Variants in SNTB2 observed in about 807,000 individuals in gnomAD.
The protein encoded by SNTB2 is syntrophin beta 2.
SNTB2 carries 34 observed loss-of-function variants against 46.2 expected under a neutral mutation model. The observed-to-expected ratio is 0.74, with a 90% CI of 0.56 to 0.98. SNTB2 has a LOEUF of 0.98. Among genes scored for constraint, SNTB2 ranks in the 50% least tolerant of loss-of-function variants. The pLI, the probability that SNTB2 is intolerant of heterozygous loss-of-function variation, is 0.00. For synonymous variants in SNTB2, 290 were observed against 312.6 expected, an observed-to-expected ratio of 0.93 and a Z score of 0.76; for missense variants, 603 against 731.4, an observed-to-expected ratio of 0.82 and a Z score of 2.02.
chr16:69,243,040 A>T (rs995964899), intron 1 of SNTB2, among the ~76,000 whole-genome samples: 2 of 151,750 alleles, frequency 1.3e-5, no homozygotes, highest in African/African-American at 4.8e-5. Context: ...AAAAAAAAAA[A>T]AGGGATACAT....
chr16:69,245,824 T>G lies in SNTB2; in HGVS notation c.794+9T>G. On this transcript the variant is annotated intron_variant, in intron 2 of 6. Transcript: ENST00000336278. ...CCGGATCTGGAAAACAGGTGAGGTGTACCTAACAAGAACATCATACCTACA... is the reference window on the plus strand; with the variant it reads ...CCGGATCTGGAAAACAGGTGAGGTGGACCTAACAAGAACATCATACCTACA... 1 of 1,613,308 alleles carries G rather than the reference T, an allele frequency of 6.2e-7. No individual in the cohort carries two copies. Among genetic ancestry groups the G allele is most frequent in the Non-Finnish European group, 8.5e-7 (1 of 1,179,370 alleles).
In SNTB2 at chr16:69,305,500, T is replaced by C. The variant is rs1965309729; in HGVS notation, c.*4576T>C. On this transcript the variant is annotated 3_prime_UTR_variant, in exon 7 of 7. Coordinates refer to ENST00000336278, the MANE Select transcript of SNTB2 (RefSeq NM_006750.4). ...TGGTTAGAAAGCCAAAGGTCTTCTT[T>C]TTTCAATTCCTAATGAATAAGTAAA... The C allele has an allele frequency of 6.6e-6, 1 of 152,240 alleles. No homozygotes were observed. Among genetic ancestry groups the C allele is most frequent in the Admixed American group, 6.5e-5 (1 of 15,278 alleles). 9.4% of individuals were successfully genotyped at this position (152,240 alleles called of 1,614,324 possible).
Position 69,303,860 on chromosome 16 carries a change from C to G in SNTB2, c.*2936C>G, listed in dbSNP as rs1039512967. 2 of 152,464 alleles carry G rather than the reference C, an allele frequency of 1.3e-5. No homozygotes were observed. Among genetic ancestry groups the G allele is most frequent in the Non-Finnish European group, 2.9e-5 (2 of 68,016 alleles). The allele number at this position is 152,464 out of a possible 1,614,324, so 9.4% of individuals were successfully genotyped here. ...TCGATATTCTACCTTTTTTATAGAA[C>G]CAGCTCACTTTTCATTTCTTTTTCA... On this transcript the variant is annotated 3_prime_UTR_variant, in exon 7 of 7. Transcript: ENST00000336278.
chr16:69,222,235 A>AT (rs1964412322), intron 1 of SNTB2, among the ~76,000 whole-genome samples: 1 of 152,108 alleles, frequency 6.6e-6, no homozygotes, highest in Non-Finnish European at 1.5e-5. Context: ...TCAACTGTAA[A>AT]TTTTTTAATA....
At chr16:69,253,120 C>T (rs1567407655) in intron 2 of SNTB2, among the ~76,000 whole-genome samples, 2 of 150,760 alleles carry the variant, frequency 1.3e-5, no homozygotes, top group Non-Finnish European at 3.0e-5. Flanking sequence ...AGGATGGTCT[C>T]GATCTCCTGA....
intron 5 of SNTB2, among the ~76,000 whole-genome samples, chr16:69,288,156 A>G (rs1205995467): frequency 6.6e-6 from 1 of 152,160 alleles, no homozygotes. Context: ...TGCCGTTGCT[A>G]CCATCTGGGG....
chr16:69,239,823 G>A (rs1207032349), intron 1 of SNTB2, among the ~76,000 whole-genome samples: 1 of 152,108 alleles, frequency 6.6e-6, no homozygotes, highest in African/African-American at 2.4e-5. Flanking sequence ...GGGATTACAG[G>A]CATGAGCCAC....
intron 1 of SNTB2, among the ~76,000 whole-genome samples, chr16:69,240,146 TATTA>T (rs1465835713): frequency 1.3e-5 from 2 of 152,240 alleles, no homozygotes; most frequent in Non-Finnish European, 2.9e-5. Flanking sequence ...TTCATTAAAT[TATTA>T]ATTACATTAT....
At chr16:69,289,123 G>C (rs1965134854) in intron 5 of SNTB2, among the ~76,000 whole-genome samples, 1 of 152,014 alleles carries the variant, frequency 6.6e-6, no homozygotes, top group Non-Finnish European at 1.5e-5. Flanking sequence ...TACAAAATTA[G>C]CCAGGTGTGG....
At chr16:69,252,995 G>C (rs1453207972) in intron 2 of SNTB2, among the ~76,000 whole-genome samples, 2 of 151,500 alleles carry the variant, frequency 1.3e-5, no homozygotes, top group Admixed American at 6.6e-5. Context: ...CACCTCCCGG[G>C]TTCACGCCAT....
intron 3 of SNTB2, among the ~76,000 whole-genome samples, chr16:69,269,061 C>T (rs1964913123): frequency 2.6e-5 from 4 of 151,356 alleles, no homozygotes; most frequent in Admixed American, 2.0e-4. Flanking sequence ...CCCAGCTACT[C>T]GGGAGGCTGA....
chr16:69,254,677 T>C (rs187685897), intron 2 of SNTB2, among the ~76,000 whole-genome samples: 46 of 152,320 alleles, frequency 3.0e-4, no homozygotes, highest in Non-Finnish European at 5.9e-4. Flanking sequence ...AAAGGACTGG[T>C]ATCCCAAATA....
Position 69,306,628 on chromosome 16 carries a change from G to A in SNTB2, c.*5704G>A, listed in dbSNP as rs1965318484. On this transcript the variant is annotated 3_prime_UTR_variant, in exon 7 of 7. Transcript: ENST00000336278. ...ATATTTCATTGTATTGTAGGTTTGG[G>A]AATCCTGGTTAGATTTATAATTTCT... 1 of 152,194 alleles carries A rather than the reference G, an allele frequency of 6.6e-6. No individual in the cohort carries two copies. Among genetic ancestry groups the A allele is most frequent in the Non-Finnish European group, 1.5e-5 (1 of 68,036 alleles). The allele number at this position is 152,194 out of a possible 1,614,324, so 9.4% of individuals were successfully genotyped here.
intron 4 of SNTB2, among the ~76,000 whole-genome samples, chr16:69,279,976 G>T (rs1402574929): frequency 2.0e-5 from 3 of 152,206 alleles, no homozygotes; most frequent in Admixed American, 2.0e-4. Flanking sequence ...GTGAACAAAG[G>T]TCTCTGGTTT....
chr16:69,231,655 C>G (rs1161812137), intron 1 of SNTB2, among the ~76,000 whole-genome samples: 1 of 151,974 alleles, frequency 6.6e-6, no homozygotes, highest in Non-Finnish European at 1.5e-5. Flanking sequence ...TCCTAAAAAC[C>G]AAAGAAAAAT....
intron 1 of SNTB2, among the ~76,000 whole-genome samples, chr16:69,215,710 T>A (rs563177429): frequency 6.6e-6 from 1 of 152,340 alleles, no homozygotes; most frequent in South Asian, 2.1e-4. Context: ...GGAACATGTT[T>A]CTTTAGAGTC....
intron 1 of SNTB2, among the ~76,000 whole-genome samples, chr16:69,199,713 T>TGA (rs1964141710): frequency 6.6e-6 from 1 of 152,128 alleles, no homozygotes. Flanking sequence ...TTGTGTACCT[T>TGA]GAGGTGTCTT....
Position 69,199,022 on chromosome 16 carries a change from G to A in SNTB2, c.580+11276G>A, listed in dbSNP as rs200197931. ...AGTGATTCTCCTGCCTCAGCCTCCCGAGTAGCTGGGATTACAGGCGCACGC... is the reference window on the plus strand; with the variant it reads ...AGTGATTCTCCTGCCTCAGCCTCCCAAGTAGCTGGGATTACAGGCGCACGC... On this transcript the variant is annotated intron_variant, in intron 1 of 6. Coordinates refer to ENST00000336278, the MANE Select transcript of SNTB2 (RefSeq NM_006750.4). Among the ~76,000 whole-genome samples, 52 of 149,926 alleles carry A rather than the reference G, an allele frequency of 3.5e-4. 3 individuals carry two copies. In the East Asian group the frequency reaches 5.4e-3, roughly 16 times the overall value.
chr16:69,225,027 G>GA (rs1964445781), intron 1 of SNTB2, among the ~76,000 whole-genome samples: 4 of 152,310 alleles, frequency 2.6e-5, no homozygotes, highest in Admixed American at 2.6e-4. Context: ...AATGAAGAGG[G>GA]AAAGAACACG....
Sources: allele counts gnomAD v4.1 joint callset (sites outside exome capture counted in the v4.1 genomes callset), GRCh38; gene constraint gnomAD v4.1.1; transcripts MANE v1.5; gene names NCBI Gene and HGNC (gene_info 2026-07-23, HGNC 2026-07-21).